CACNA2D2: variants seen among roughly 807,000 people sequenced by gnomAD.
CACNA2D2 encodes the protein calcium voltage-gated channel auxiliary subunit alpha2delta 2.
A neutral mutation model predicts 166.4 loss-of-function variants in CACNA2D2; 48 were observed. That is an observed-to-expected ratio of 0.29 (90% CI 0.23 to 0.37). The LOEUF (loss-of-function observed/expected upper bound fraction) is 0.37, where lower values mean the gene tolerates loss of function less well. Ranked by LOEUF, CACNA2D2 falls within the 10% of genes least tolerant of loss-of-function variation. The pLI is 1.00. For missense variants in CACNA2D2, 1,122 were observed against 1,433.0 expected, an observed-to-expected ratio of 0.78 and a Z score of 3.50; for synonymous variants, 561 against 573.7, an observed-to-expected ratio of 0.98 and a Z score of 0.32.
At chr3:50,387,035 G>A (rs1021597440) in intron 5 of CACNA2D2, among the ~76,000 whole-genome samples, 5 of 152,170 alleles carry the variant, frequency 3.3e-5, no homozygotes, top group African/African-American at 1.2e-4. Flanking sequence ...GAGTGACATG[G>A]AGGCAGAAGG....
chr3:50,389,369 G>T (rs116720113), intron 4 of CACNA2D2, among the ~76,000 whole-genome samples: 92 of 152,128 alleles, frequency 6.0e-4, no homozygotes, highest in African/African-American at 2.1e-3. Flanking sequence ...AATGTGATTT[G>T]TTATCTAAAA....
chr3:50,364,697 T>C lies in CACNA2D2; in HGVS notation c.3401A>G (p.Gln1134Arg). ...GCGGCGAGAGGCGTGGACGAGGACT[T>C]GAGGCTGCGGCCGGGGCGGCAGGCC... ...LLGLPPRPQP[Q>R]VLVHASRRL Residue 1134 changes from glutamine (Q) to arginine (R), a missense_variant, in exon 38 of 38, where the codon CAA becomes CGA. Gln to Arg is a conservative substitution (Grantham distance 43, BLOSUM62 1). Coordinates refer to ENST00000424201, the MANE Select transcript of CACNA2D2 (RefSeq NM_006030.4). The C allele has an allele frequency of 6.5e-7, 1 of 1,543,066 alleles. No homozygotes were observed. Among genetic ancestry groups the C allele is most frequent in the Non-Finnish European group, 8.7e-7 (1 of 1,143,386 alleles).
In CACNA2D2 at chr3:50,487,972, A is replaced by C. The variant is rs907789301; in HGVS notation, c.207-11773T>G. 9.2e-5 allele frequency among the ~76,000 whole-genome samples: 14 copies of C among 152,208 alleles called. No homozygotes were observed. In the East Asian group the frequency reaches 2.7e-3, roughly 29 times the overall value. The stretch of plus-strand genomic sequence containing the variant: ...GGGAGCTTGGAATCCAAGCAGAGGA[A>C]GCTGATACCTGATCCGGATTGGGGC... On this transcript the variant is annotated intron_variant, in intron 1 of 37. Transcript: ENST00000424201.
Position 50,362,786 on chromosome 3 carries a change from T to C in CACNA2D2, c.*1880A>G, listed in dbSNP as rs587616997. Reference sequence around the variant, plus strand: ...AGTCCTCACCCCCAAGCTGATACAGTGGATGGGAACCATTTGAAGTGAAAA... The same window carrying C: ...AGTCCTCACCCCCAAGCTGATACAGCGGATGGGAACCATTTGAAGTGAAAA... On this transcript the variant is annotated 3_prime_UTR_variant, in exon 38 of 38. Transcript: ENST00000424201. 1 of 178,638 alleles carries C rather than the reference T, an allele frequency of 5.6e-6. No homozygotes were observed. Among genetic ancestry groups the C allele is most frequent in the East Asian group, 1.5e-4 (1 of 6,876 alleles). 11.1% of individuals were successfully genotyped at this position (178,638 alleles called of 1,614,324 possible). A position where few individuals can be genotyped will look rare whatever the true frequency, so the allele number is the denominator to read the frequency against.
At chr3:50,434,506 C>T (rs1708220340) in intron 2 of CACNA2D2, 77 bp from the exon 3 acceptor site, 2 of 1,003,960 alleles carry the variant, frequency 2.0e-6, no homozygotes, top group Non-Finnish European at 1.6e-6. Context: ...TACCCCTCTG[C>T]ACAGCTCACC....
At chr3:50,433,268 T>C (rs1182006078) in intron 3 of CACNA2D2, among the ~76,000 whole-genome samples, 4 of 152,252 alleles carry the variant, frequency 2.6e-5, no homozygotes, top group Non-Finnish European at 5.9e-5. Context: ...TGGTCTTTTG[T>C]AACTGACTTC....
Position 50,365,220 on chromosome 3 carries a change from G to GGCCCCC in CACNA2D2, c.3099-37_3099-36insGGGGGC. On this transcript the variant is annotated intron_variant, in intron 35 of 37. Transcript: ENST00000424201. The surrounding 1 kb of genome is among the most constrained non-coding windows in gnomAD (Gnocchi z 4.5). ...CCCGGAAAGGCGGGGCGTTGAGTTT[G>GGCCCCC]CCCCGCCCTGACCCACCCCCATCCT... The GGCCCCC allele has an allele frequency of 1.3e-6, 2 of 1,575,414 alleles. No individual in the cohort carries two copies. The highest frequency in any genetic ancestry group is 1.7e-6 in the Non-Finnish European group (2 of 1,150,762).
chr3:50,380,767 C>T lies in CACNA2D2; in HGVS notation c.823G>A (p.Asp275Asn), dbSNP rs868305501. The T allele has an allele frequency of 2.6e-6, 4 of 1,545,620 alleles. No homozygotes were observed. The highest frequency in any genetic ancestry group is 1.4e-5 in the African/African-American group (1 of 72,352). Residue 275 changes from aspartate (D) to asparagine (N), a missense_variant, in exon 8 of 38, where the codon GAT (aspartate) becomes AAT (asparagine). Physicochemically the swap from Asp to Asn is conservative, Grantham distance 23 (BLOSUM62 1). This residue lies in a region of CACNA2D2 where 840 missense variants were observed against 1,166.8 expected (regional missense o/e 0.72). Transcript: ENST00000424201. The surrounding 1 kb of genome is among the most constrained non-coding windows in gnomAD (Gnocchi z 4.9). ...GCTCACCAGGGTCTCCTTCGGACATCGTACAGGTCGATCTTCTTGGGGGCT... is the reference window on the plus strand; with the variant it reads ...GCTCACCAGGGTCTCCTTCGGACATTGTACAGGTCGATCTTCTTGGGGGCT... ...WRAPKKIDLY[D>N]VRRRPWYIQG...
chr3:50,406,334 C>A (rs1460160611), intron 3 of CACNA2D2, among the ~76,000 whole-genome samples: 1 of 151,740 alleles, frequency 6.6e-6, no homozygotes, highest in African/African-American at 2.4e-5. Context: ...AGAAAAAAAG[C>A]ACCAAGCAAG....
chr3:50,395,511 G>A (rs994115759), intron 3 of CACNA2D2, among the ~76,000 whole-genome samples: 4 of 152,158 alleles, frequency 2.6e-5, no homozygotes, highest in East Asian at 1.9e-4. Context: ...TCCCACCTCC[G>A]GGCTTACAGC....
intron 22 of CACNA2D2, among the ~76,000 whole-genome samples, chr3:50,372,413 A>T (rs587698428): frequency 6.6e-6 from 1 of 152,312 alleles, no homozygotes; most frequent in East Asian, 1.9e-4. Flanking sequence ...GGCCGGCAGG[A>T]CACGGGGACA....
chr3:50,490,902 A>C (rs1252265439), intron 1 of CACNA2D2, among the ~76,000 whole-genome samples: 1 of 152,206 alleles, frequency 6.6e-6, no homozygotes, highest in African/African-American at 2.4e-5. Flanking sequence ...AGGTCAGCGA[A>C]GGTTTCAGGG....
chr3:50,373,129 A>G, intron 22 of CACNA2D2: 1 of 1,522,784 alleles, frequency 6.6e-7, no homozygotes, highest in Non-Finnish European at 8.8e-7. Context: ...AACAAAAACA[A>G]CACAAACACA....
Position 50,475,981 on chromosome 3 carries a change from T to C in CACNA2D2, c.288+137A>G, listed in dbSNP as rs1710292009. On this transcript the variant is annotated intron_variant, in intron 2 of 37. Transcript: ENST00000424201. ...GCTGCCCATCCAGTCATGTCCCACC[T>C]GCCCCCACGGGCCCATCAGGTCCCA... 8.5e-6 allele frequency: 6 copies of C among 705,896 alleles called. No homozygotes were observed. The Admixed American group carries it at 1.3e-4, about 16-fold the overall frequency. 43.7% of individuals were successfully genotyped at this position (705,896 alleles called of 1,614,324 possible).
chr3:50,477,171 C>T (rs537733723), intron 1 of CACNA2D2, among the ~76,000 whole-genome samples: 6 of 151,968 alleles, frequency 3.9e-5, no homozygotes, highest in African/African-American at 1.2e-4. Flanking sequence ...CCTTGTGATC[C>T]GCCTGTCTCA....
rs1029925561 is a variant in CACNA2D2 at position 50,363,390 on chromosome 3, A to T, written c.*1276T>A. The T allele has an allele frequency of 2.0e-5, 8 of 396,530 alleles. No individual in the cohort carries two copies. Among genetic ancestry groups the T allele is most frequent in the Non-Finnish European group, 2.7e-5 (6 of 225,382 alleles). The allele number at this position is 396,530 out of a possible 1,614,324, so 24.6% of individuals were successfully genotyped here. On this transcript the variant is annotated 3_prime_UTR_variant, in exon 38 of 38. Coordinates refer to ENST00000424201, the MANE Select transcript of CACNA2D2 (RefSeq NM_006030.4). ...TATATCCCCTTGCCCTCAGTTCCCC[A>T]CTGGCCCCCAGGCTGGGATGCCTTT...
rs752852530 is a variant in CACNA2D2 at position 50,379,135 on chromosome 3, C to A, written c.1217G>T (p.Arg406Leu). 1 of 1,613,896 alleles carries A rather than the reference C, an allele frequency of 6.2e-7. No individual in the cohort carries two copies. Reference sequence around the variant, plus strand: ...GTACTTCTCAAAGACGTCCTGCACGCGGTCCTCACCACCATCCGTGAACAT... The same window carrying A: ...GTACTTCTCAAAGACGTCCTGCACGAGGTCCTCACCACCATCCGTGAACAT... Reference protein sequence around the residue: ...IMMFTDGGEDRVQDVFEKYNW... With the variant: ...IMMFTDGGEDLVQDVFEKYNW... Residue 406 changes from arginine to leucine, a missense_variant, in exon 12 of 38, where the codon CGC becomes CTC. Physicochemically the swap from Arg to Leu is moderately radical, Grantham distance 102. Coordinates refer to ENST00000424201, the MANE Select transcript of CACNA2D2 (RefSeq NM_006030.4). This position sits in a 1 kb window ranked among gnomAD's most constrained non-coding sequence, Gnocchi z 6.5.
intron 1 of CACNA2D2, among the ~76,000 whole-genome samples, chr3:50,500,064 C>G (rs1360779036): frequency 6.6e-6 from 1 of 152,174 alleles, no homozygotes; most frequent in Non-Finnish European, 1.5e-5. Context: ...GGGAGAGCCA[C>G]AGGGAGATGG....
intron 1 of CACNA2D2, among the ~76,000 whole-genome samples, chr3:50,479,539 C>T (rs937999103): frequency 6.6e-6 from 1 of 152,228 alleles, no homozygotes; most frequent in Non-Finnish European, 1.5e-5. Flanking sequence ...GTCCCAGTGC[C>T]ACCTCCAAGG....
Sources: gnomAD v4.1 joint callset for allele counts (sites outside exome capture counted in the v4.1 genomes callset) on GRCh38, gnomAD v4.1.1 for gene constraint, gnomAD v4.1.1 regional missense constraint, Gnocchi (gnomAD v3.1) non-coding constraint, MANE v1.5 for transcripts, NCBI Gene and HGNC (gene_info 2026-07-23, HGNC 2026-07-21) for gene names.